The following COL1A1 variants were observed in gnomAD, a reference collection of about 807,000 sequenced individuals.
The protein encoded by COL1A1 is collagen type I alpha 1 chain.
COL1A1 carries 21 observed loss-of-function variants against 195.7 expected under a neutral mutation model. That is an observed-to-expected ratio of 0.11 (90% CI 0.08 to 0.15). The LOEUF (loss-of-function observed/expected upper bound fraction) is 0.15, where lower values mean the gene tolerates loss of function less well. Ranked by LOEUF, COL1A1 falls within the 10% of genes least tolerant of loss-of-function variation. The pLI is 1.00. For synonymous variants in COL1A1, 749 were observed against 747.3 expected (o/e 1.00, Z -0.04); for missense variants, 1,365 against 2,051.0 (o/e 0.67, Z 6.46).
Position 50,190,464 on chromosome 17 carries a change from G to T in COL1A1, c.2397+79C>A, listed in dbSNP as rs1457337689. The T allele has an allele frequency of 2.5e-6, 4 of 1,588,774 alleles. No individual in the cohort carries two copies. Among genetic ancestry groups the T allele is most frequent in the Non-Finnish European group, 3.5e-6 (4 of 1,156,984 alleles). On this transcript the variant is annotated intron_variant, in intron 34 of 50. Coordinates refer to ENST00000225964, the MANE Select transcript of COL1A1 (RefSeq NM_000088.4). The surrounding 1 kb of genome is among the most constrained non-coding windows in gnomAD (Gnocchi z 4.7). ...GGTGAGGGGAGAGGCAAGGGGTGAAGGCACAGACAGGGCCAGGGGTGCTGT... is the reference window on the plus strand; with the variant it reads ...GGTGAGGGGAGAGGCAAGGGGTGAATGCACAGACAGGGCCAGGGGTGCTGT...
In COL1A1 at chr17:50,197,306, G is replaced by C. The variant is rs570782843; in HGVS notation, c.697-73C>G. On this transcript the variant is annotated intron_variant, in intron 9 of 50. Coordinates refer to ENST00000225964, the MANE Select transcript of COL1A1 (RefSeq NM_000088.4). ...CCTAGGGGCTGGAAAAGTGGAGAAG[G>C]TCTCAGTCTTCTTTGGATTGTTGCA... The C allele has an allele frequency of 1.2e-4, 182 of 1,480,084 alleles. 1 individual carries two copies. The African/African-American group carries it at 2.0e-3, about 16-fold the overall frequency. The allele number at this position is 1,480,084 out of a possible 1,614,324, so 91.7% of individuals were successfully genotyped here.
chr17:50,196,922 C>T lies in COL1A1; in HGVS notation c.804+88G>A, dbSNP rs1598298919. On this transcript the variant is annotated intron_variant, in intron 11 of 50. Coordinates refer to ENST00000225964, the MANE Select transcript of COL1A1 (RefSeq NM_000088.4). ...TCTGTAGCTGCCACCCACCATGATG[C>T]AACTCAGTATCTTTTGGGGAAGAGG... is the stretch of plus-strand genomic sequence containing the variant. The T allele has an allele frequency of 8.2e-6, 12 of 1,469,068 alleles. No homozygotes were observed. The East Asian group carries it at 2.7e-4, about 33-fold the overall frequency. 91.0% of individuals were successfully genotyped at this position (1,469,068 alleles called of 1,614,324 possible).
chr17:50,189,962 C>T lies in COL1A1; in HGVS notation c.2559+39G>A. ...AGCCTGGACCCGTCCTGGGTCCCAG[C>T]CCACCAGCCTCGTGGGCACAGAGGG... is the stretch of plus-strand genomic sequence containing the variant. On this transcript the variant is annotated intron_variant, in intron 36 of 50. Coordinates refer to ENST00000225964, the MANE Select transcript of COL1A1 (RefSeq NM_000088.4). The surrounding 1 kb of genome is among the most constrained non-coding windows in gnomAD (Gnocchi z 5.5). 5.0e-6 allele frequency: 8 copies of T among 1,610,952 alleles called. No individual in the cohort carries two copies. Among genetic ancestry groups the T allele is most frequent in the Non-Finnish European group, 6.8e-6 (8 of 1,178,552 alleles).
chr17:50,187,081 G>A lies in COL1A1; in HGVS notation c.3465C>T (p.Leu1155=), dbSNP rs368746726. Residue 1155 remains leucine, a synonymous_variant, in exon 47 of 51, where the codon CTC becomes CTT. Transcript: ENST00000225964. Reference sequence around the variant, plus strand: ...GCCCAATGGGGCCAGGGAGACCGTTGAGTCCATCTTTGCCAGGAGCACCAG... The same window carrying A: ...GCCCAATGGGGCCAGGGAGACCGTTAAGTCCATCTTTGCCAGGAGCACCAG... ...GSAGAPGKDG[L]NGLPGPIGPP... The A allele has an allele frequency of 1.5e-4, 237 of 1,613,198 alleles. No homozygotes were observed. Among genetic ancestry groups the A allele is most frequent in the Non-Finnish European group, 1.9e-4 (222 of 1,179,748 alleles).
chr17:50,196,128 G>A, intron 15 of COL1A1, 27 bp downstream of exon 15: 1 of 1,613,776 alleles, frequency 6.2e-7, no homozygotes, highest in Admixed American at 1.7e-5. Flanking sequence ...CCACTCCCAG[G>A]CCCTGAGGCC....
Position 50,189,444 on chromosome 17 carries a change from T to A in COL1A1, c.2762A>T (p.Glu921Val), listed in dbSNP as rs774442705. Residue 921 changes from glutamate (E) to valine (V), a missense_variant, in exon 39 of 51, where the codon GAA (glutamate) becomes GTA (valine). Around this residue, in one of 5 missense-constraint regions of COL1A1, gnomAD observed 671 missense variants for 1,099.9 expected, o/e 0.61. Coordinates refer to ENST00000225964, the MANE Select transcript of COL1A1 (RefSeq NM_000088.4). This position sits in a 1 kb window ranked among gnomAD's most constrained non-coding sequence, Gnocchi z 5.5. ...GCCAGGGGGACCAGGGGGACCAACT[T>A]CACCAGGACGTCCAGCAGGGCCAGT... is the stretch of plus-strand genomic sequence containing the variant. ...GETGPAGRPG[E>V]VGPPGPPGPA... 5 of 1,612,478 alleles carry A rather than the reference T, an allele frequency of 3.1e-6. No individual in the cohort carries two copies. Among genetic ancestry groups the A allele is most frequent in the Non-Finnish European group, 3.4e-6 (4 of 1,179,592 alleles).
chr17:50,195,766 A>G lies in COL1A1; in HGVS notation c.1057-101T>C. ...GGGAGACAGGGACAGGAGAGCAATG[A>G]TCAGGACTCTAAGATCAGAGACGGA... On this transcript the variant is annotated intron_variant, in intron 16 of 50. Transcript: ENST00000225964. The surrounding 1 kb of genome is among the most constrained non-coding windows in gnomAD (Gnocchi z 4.3). The G allele has an allele frequency of 7.3e-7, 1 of 1,372,146 alleles. No individual in the cohort carries two copies. 85.0% of individuals were successfully genotyped at this position (1,372,146 alleles called of 1,614,324 possible).
Position 50,196,174 on chromosome 17 carries a change from G to A in COL1A1, c.983C>T (p.Thr328Ile). The A allele has an allele frequency of 6.2e-7, 1 of 1,614,110 alleles. No homozygotes were observed. The highest frequency in any genetic ancestry group is 8.5e-7 in the Non-Finnish European group (1 of 1,179,984). The change falls in exon 15 of 51, where the codon ACT becomes ATT. Residue 328 changes from threonine to isoleucine, a missense_variant. Transcript: ENST00000225964. Reference sequence around the variant, plus strand: ...ACTCACAGGGGGCCCGGCAGCACCAGTAGCACCATCATTTCCACGAGCACC... The same window carrying A: ...ACTCACAGGGGGCCCGGCAGCACCAATAGCACCATCATTTCCACGAGCACC... ...PAGARGNDGA[T>I]GAAGPPGPTG...
chr17:50,185,854 T>C lies in COL1A1; in HGVS notation c.4172A>G (p.Gln1391Arg), dbSNP rs370410110. 13 of 1,613,960 alleles carry C rather than the reference T, an allele frequency of 8.1e-6. No individual in the cohort carries two copies. In the East Asian group the frequency reaches 2.2e-4, roughly 28 times the overall value. ...TGNLKKALLL[Q>R]GSNEIEIRAE... ...GCGGATCTCGATCTCGTTGGAGCCCTGGAGGAGCAGGGCCTTCTTGAGGTT... is the reference window on the plus strand; with the variant it reads ...GCGGATCTCGATCTCGTTGGAGCCCCGGAGGAGCAGGGCCTTCTTGAGGTT... Residue 1391 changes from glutamine (Q) to arginine (R), a missense_variant, in exon 50 of 51, where the codon CAG becomes CGG. Gln to Arg is a conservative substitution (Grantham distance 43). Coordinates refer to ENST00000225964, the MANE Select transcript of COL1A1 (RefSeq NM_000088.4).
rs1907181506 is a variant in COL1A1, at chr17:50,192,463, G to A, written c.1983+12C>T. The A allele has an allele frequency of 1.2e-6, 2 of 1,603,134 alleles. No homozygotes were observed. The highest frequency in any genetic ancestry group is 2.2e-5 in the South Asian group (2 of 89,890). On this transcript the variant is annotated intron_variant, in intron 29 of 50. Coordinates refer to ENST00000225964, the MANE Select transcript of COL1A1 (RefSeq NM_000088.4). ...GCATCTCCCACCCCTCTGGCCGGCTGCTCCCTCTTACCTGTTCACCAGGTT... is the reference window on the plus strand; with the variant it reads ...GCATCTCCCACCCCTCTGGCCGGCTACTCCCTCTTACCTGTTCACCAGGTT...
chr17:50,185,457 G>T lies in COL1A1; in HGVS notation c.*45C>A. 6.2e-7 allele frequency: 1 copy of T among 1,611,512 alleles called. No homozygotes were observed. The highest frequency in any genetic ancestry group is 8.5e-7 in the Non-Finnish European group (1 of 1,178,582). ...TGCTTGTCTGTTTCCGGGTTGGGGG[G>T]AAAGTTGGTTGGGTGGGAGGGAGCC... On this transcript the variant is annotated 3_prime_UTR_variant, in exon 51 of 51. Coordinates refer to ENST00000225964, the MANE Select transcript of COL1A1 (RefSeq NM_000088.4).
At chr17:50,192,048 A>T (rs769256210) in intron 29 of COL1A1, 24 bp from the exon 30 acceptor site, 2 of 1,609,932 alleles carry the variant, frequency 1.2e-6, no homozygotes, top group South Asian at 2.2e-5. Flanking sequence ...AGAGAGGAAC[A>T]GACAGTGAGC....
chr17:50,201,427 C>T lies in COL1A1; in HGVS notation c.87G>A (p.Glu29=), dbSNP rs1598303596. The change falls in exon 1 of 51, where the codon GAG becomes GAA. Residue 29 remains glutamate, a synonymous_variant. Coordinates refer to ENST00000225964, the MANE Select transcript of COL1A1 (RefSeq NM_000088.4). Reference sequence around the variant, plus strand: ...GGGACTTACTGTCTTCGTCTTGGCCCTCGACTTGGCCTTCCTCTTGGCCGT... The same window carrying T: ...GGGACTTACTGTCTTCGTCTTGGCCTTCGACTTGGCCTTCCTCTTGGCCGT... ...LTHGQEEGQV[E]GQDEDIPPIT... The T allele has an allele frequency of 1.2e-6, 2 of 1,613,866 alleles. No homozygotes were observed. Among genetic ancestry groups the T allele is most frequent in the Non-Finnish European group, 1.7e-6 (2 of 1,180,034 alleles).
rs1341215764 is a variant in COL1A1, at chr17:50,199,234, G to C, written c.463C>G (p.Leu155Val). The part of the protein sequence containing the change: ...GPPGPPGPPG[L>V]GGNFAPQLSY... ...AAGGCCTCTCCACTTACTCCTCCGA[G>C]GCCAGGGGGTCCGGGAGGTCCGGGG... The change falls in exon 5 of 51, where the codon CTC becomes GTC. Residue 155 changes from leucine (L) to valine (V), a missense_variant. By Grantham distance (32) the Leu-to-Val change is conservative. This residue lies in a region of COL1A1 where 194 missense variants were observed against 221.7 expected (regional missense o/e 0.88). Coordinates refer to ENST00000225964, the MANE Select transcript of COL1A1 (RefSeq NM_000088.4). 3 of 1,465,230 alleles carry C rather than the reference G, an allele frequency of 2.0e-6. No individual in the cohort carries two copies. Among genetic ancestry groups the C allele is most frequent in the Non-Finnish European group, 2.7e-6 (3 of 1,105,152 alleles). 90.8% of individuals were successfully genotyped at this position (1,465,230 alleles called of 1,614,324 possible).
chr17:50,189,495 T>C lies in COL1A1; in HGVS notation c.2711A>G (p.Glu904Gly). The change falls in exon 39 of 51, where the codon GAA (glutamate) becomes GGA (glycine). Residue 904 changes from glutamate (E) to glycine (G), a missense_variant. Transcript: ENST00000225964. This position sits in a 1 kb window ranked among gnomAD's most constrained non-coding sequence, Gnocchi z 5.5. ...CTCACCACGGGGACCTTTGCCGCCT[T>C]CTTTGCCAGCAGGACCAGGAGGGCC... ...PPGPPGPAGKEGGKGPRGETG... is the reference protein window; with the variant it reads ...PPGPPGPAGKGGGKGPRGETG... 1 of 1,613,382 alleles carries C rather than the reference T, an allele frequency of 6.2e-7. No individual in the cohort carries two copies. The highest frequency in any genetic ancestry group is 8.5e-7 in the Non-Finnish European group (1 of 1,179,826).
At position 50,189,037 on chromosome 17, in the gene COL1A1, G is replaced by C. The variant is rs578135946; in HGVS notation, c.2938-27C>G. On this transcript the variant is annotated intron_variant, in intron 40 of 50. Transcript: ENST00000225964. This position sits in a 1 kb window ranked among gnomAD's most constrained non-coding sequence, Gnocchi z 5.5. Reference sequence around the variant, plus strand: ...TAAGGGAGAAGAAAGAGTCAGGCCAGAGATAGGGTCTGGGAGGACCCTTGA... The same window carrying C: ...TAAGGGAGAAGAAAGAGTCAGGCCACAGATAGGGTCTGGGAGGACCCTTGA... 2.6e-5 allele frequency: 42 copies of C among 1,600,164 alleles called. No homozygotes were observed. The African/African-American group carries it at 4.3e-4, about 16-fold the overall frequency.
chr17:50,195,786 G>A lies in COL1A1; in HGVS notation c.1057-121C>T. 1 of 1,351,208 alleles carries A rather than the reference G, an allele frequency of 7.4e-7. No individual in the cohort carries two copies. The highest frequency in any genetic ancestry group is 1.2e-5 in the South Asian group (1 of 81,106). The allele number at this position is 1,351,208 out of a possible 1,614,324, so 83.7% of individuals were successfully genotyped here. A position where few individuals can be genotyped will look rare whatever the true frequency, so the allele number is the denominator to read the frequency against. ...CAATGATCAGGACTCTAAGATCAGAGACGGAGAACCCAGGACAAAGGTGTT... is the reference window on the plus strand; with the variant it reads ...CAATGATCAGGACTCTAAGATCAGAAACGGAGAACCCAGGACAAAGGTGTT... On this transcript the variant is annotated intron_variant, in intron 16 of 50. Coordinates refer to ENST00000225964, the MANE Select transcript of COL1A1 (RefSeq NM_000088.4). The surrounding 1 kb of genome is among the most constrained non-coding windows in gnomAD (Gnocchi z 4.3).
rs141556853 is a variant in COL1A1 at position 50,184,819 on chromosome 17, C to CAT, written c.*682_*683insAT. The CAT allele has an allele frequency of 2.9e-5, 5 of 170,064 alleles. No individual in the cohort carries two copies. Among genetic ancestry groups the CAT allele is most frequent in the Admixed American group, 9.7e-5 (1 of 10,280 alleles). The allele number at this position is 170,064 out of a possible 1,614,324, so 10.5% of individuals were successfully genotyped here. A position where few individuals can be genotyped will look rare whatever the true frequency, so the allele number is the denominator to read the frequency against. On this transcript the variant is annotated 3_prime_UTR_variant, in exon 51 of 51. Coordinates refer to ENST00000225964, the MANE Select transcript of COL1A1 (RefSeq NM_000088.4). ...CCCAAATCCGATGTTTCTGCTTTGT[C>CAT]GTGGCCCTTCCTGACTCTCCTCCGA... is the stretch of plus-strand genomic sequence containing the variant.
chr17:50,188,562 G>A lies in COL1A1; in HGVS notation c.3175C>T (p.Pro1059Ser). Residue 1059 changes from proline (P) to serine (S), a missense_variant, in exon 43 of 51, where the codon CCT becomes TCT. This residue lies in a region of COL1A1 where 671 missense variants were observed against 1,099.9 expected (regional missense o/e 0.61). Coordinates refer to ENST00000225964, the MANE Select transcript of COL1A1 (RefSeq NM_000088.4). The surrounding 1 kb of genome is among the most constrained non-coding windows in gnomAD (Gnocchi z 5.6). ...CCACGATCACCACTCTTGCCAGCAG[G>A]GCCAACGGGGCCAGGGGCACCAGGA... ...GAPGAPGPVG[P>S]AGKSGDRGET... 1.1e-5 allele frequency: 18 copies of A among 1,614,032 alleles called. No individual in the cohort carries two copies. The highest frequency in any genetic ancestry group is 1.5e-5 in the Non-Finnish European group (18 of 1,179,996).
Sources: allele counts gnomAD v4.1 joint callset, GRCh38; gene constraint gnomAD v4.1.1; regional missense constraint gnomAD v4.1.1; non-coding constraint Gnocchi (gnomAD v3.1); transcripts MANE v1.5; gene names NCBI Gene and HGNC (gene_info 2026-07-23, HGNC 2026-07-21).